RHEX: variants seen among roughly 807,000 people sequenced by gnomAD.
The protein encoded by RHEX is regulator of hemoglobinization and erythroid cell expansion protein.
A neutral mutation model predicts 20.1 loss-of-function variants in RHEX; 18 were observed. That is an observed-to-expected ratio of 0.90 (90% CI 0.62 to 1.33). The LOEUF is 1.33. Among genes scored for constraint, RHEX ranks in the 40% most tolerant of loss-of-function variants. The pLI, the probability that RHEX is intolerant of heterozygous loss-of-function variation, is 0.00. For missense variants in RHEX, 192 were observed against 214.3 expected (o/e 0.90, Z 0.65); for synonymous variants, 87 against 77.1 (o/e 1.13, Z -0.67).
At chr1:206,066,979 G>A (rs368305496) in intron 1 of RHEX, among the ~76,000 whole-genome samples, 1 of 152,172 alleles carries the variant, frequency 6.6e-6, no homozygotes, top group African/African-American at 2.4e-5. Context: ...AGGACAGGAC[G>A]GAATTCTTTG....
chr1:206,079,432 A>T (rs1367918990), intron 1 of RHEX, among the ~76,000 whole-genome samples: 2 of 152,196 alleles, frequency 1.3e-5, no homozygotes, highest in Non-Finnish European at 2.9e-5. Context: ...TCTAAAATAA[A>T]CCAAAAAAAT....
intron 1 of RHEX, among the ~76,000 whole-genome samples, chr1:206,066,741 A>G (rs182578024): frequency 2.0e-5 from 3 of 152,346 alleles, no homozygotes; most frequent in Admixed American, 6.5e-5. Flanking sequence ...CTGTACATAC[A>G]TATTCAGTAG....
chr1:206,093,035 T>A (rs1553287226), intron 1 of RHEX, among the ~76,000 whole-genome samples: 1 of 152,170 alleles, frequency 6.6e-6, no homozygotes, highest in African/African-American at 2.4e-5. Flanking sequence ...CATCTCCCTG[T>A]CCAAAGTCAC....
chr1:206,054,228 ATGTT>A (rs201784051), intron 1 of RHEX, among the ~76,000 whole-genome samples: 4,497 of 152,192 alleles, frequency 0.03, 225 homozygotes, highest in African/African-American at 0.1. Context: ...AAGAAAAAAA[ATGTT>A]TGTAATAAGT....
rs80312667 is a variant in RHEX, at chr1:206,097,972, G to C, written c.12-109G>C. The C allele has an allele frequency of 3.3e-3, 3,848 of 1,172,142 alleles. 101 individuals carry two copies. In the African/African-American group the frequency reaches 0.053, roughly 16 times the overall value. The allele number at this position is 1,172,142 out of a possible 1,614,324, so 72.6% of individuals were successfully genotyped here. A position where few individuals can be genotyped will look rare whatever the true frequency, so the allele number is the denominator to read the frequency against. On this transcript the variant is annotated intron_variant, in intron 2 of 5. Coordinates refer to ENST00000331555, the MANE Select transcript of RHEX (RefSeq NM_001007544.4). Reference sequence around the variant, plus strand: ...CAGAGAGGCAAAGGGACCTACCCTGGGACACGCAGCAATGCCAGATGTCTG... The same window carrying C: ...CAGAGAGGCAAAGGGACCTACCCTGCGACACGCAGCAATGCCAGATGTCTG...
At chr1:206,084,973 C>T (rs28735054) in intron 1 of RHEX, among the ~76,000 whole-genome samples, 17,325 of 152,052 alleles carry the variant, frequency 0.11, 1,151 homozygotes, top group South Asian at 0.19. Flanking sequence ...CCCCAACCCC[C>T]GGGTTGGAGA....
chr1:206,098,228 A>G (rs782218981), intron 3 of RHEX, 47 bp downstream of exon 3: 3 of 1,360,886 alleles, frequency 2.2e-6, no homozygotes, highest in Non-Finnish European at 3.2e-6. Flanking sequence ...CTCAGAGACC[A>G]TTCTCGAGCC....
At chr1:206,088,034 T>G (rs1662872375) in intron 1 of RHEX, among the ~76,000 whole-genome samples, 1 of 152,170 alleles carries the variant, frequency 6.6e-6, no homozygotes, top group Non-Finnish European at 1.5e-5. Flanking sequence ...CTGAGGAAGA[T>G]CACTTGAGCC....
chr1:206,055,450 C>T (rs1041624372), intron 1 of RHEX, among the ~76,000 whole-genome samples: 8 of 152,208 alleles, frequency 5.3e-5, no homozygotes, highest in Admixed American at 6.5e-5. Context: ...ATCCCTTTCA[C>T]CCTGGCATTT....
chr1:206,061,936 G>A (rs1328344816), intron 1 of RHEX: 2 of 152,180 alleles, frequency 1.3e-5, no homozygotes, highest in East Asian at 3.8e-4. Flanking sequence ...ACATAGGCCA[G>A]GCACGGTGGC....
At chr1:206,070,393 G>C (rs1384638460) in intron 1 of RHEX, among the ~76,000 whole-genome samples, 1 of 152,164 alleles carries the variant, frequency 6.6e-6, no homozygotes, top group Non-Finnish European at 1.5e-5. Flanking sequence ...CAGAAGCACT[G>C]CTAGACGTTT....
At chr1:206,063,463 T>C (rs1211050178) in intron 1 of RHEX, among the ~76,000 whole-genome samples, 2 of 152,236 alleles carry the variant, frequency 1.3e-5, no homozygotes, top group Non-Finnish European at 2.9e-5. Flanking sequence ...ACTATACTGC[T>C]GCCATCTCGG....
At chr1:206,091,706 C>A (rs540726763) in intron 1 of RHEX, among the ~76,000 whole-genome samples, 1 of 152,306 alleles carries the variant, frequency 6.6e-6, no homozygotes, top group East Asian at 1.9e-4. Context: ...GCCTTAGTTT[C>A]CTCATCTATG....
intron 1 of RHEX, among the ~76,000 whole-genome samples, chr1:206,075,726 G>A (rs889794761): frequency 2.0e-5 from 3 of 151,416 alleles, no homozygotes; most frequent in Non-Finnish European, 4.4e-5. Context: ...TCAGCCTCCC[G>A]GTAGCTGGGA....
chr1:206,055,800 A>C (rs1412677071), intron 1 of RHEX, among the ~76,000 whole-genome samples: 5 of 152,286 alleles, frequency 3.3e-5, no homozygotes, highest in Admixed American at 3.3e-4. Context: ...AAAGAGAAAA[A>C]GTGGCAGTTG....
chr1:206,096,087 C>T (rs906147744), intron 1 of RHEX, among the ~76,000 whole-genome samples: 2 of 152,182 alleles, frequency 1.3e-5, no homozygotes, highest in Non-Finnish European at 2.9e-5. Context: ...GCATCGGCCT[C>T]CCAAAGCGCT....
At chr1:206,077,828 C>G (rs28782261) in intron 1 of RHEX, among the ~76,000 whole-genome samples, 12 of 152,014 alleles carry the variant, frequency 7.9e-5, no homozygotes, top group Non-Finnish European at 1.3e-4. Flanking sequence ...GTTTTCTCAC[C>G]GTATTAAGGG....
At chr1:206,064,944 C>CT (rs1662395440) in intron 1 of RHEX, among the ~76,000 whole-genome samples, 2 of 152,162 alleles carry the variant, frequency 1.3e-5, no homozygotes, top group Non-Finnish European at 2.9e-5. Context: ...AGAAGTTCTT[C>CT]TGCCTTGGGA....
At chr1:206,074,985 G>A (rs1424431006) in intron 1 of RHEX, among the ~76,000 whole-genome samples, 3 of 152,210 alleles carry the variant, frequency 2.0e-5, no homozygotes, top group Non-Finnish European at 4.4e-5. Flanking sequence ...CCCCACAGGG[G>A]GCCAAAACTG....
Sources: allele counts gnomAD v4.1 joint callset (sites outside exome capture counted in the v4.1 genomes callset), GRCh38; gene constraint gnomAD v4.1.1; transcripts MANE v1.5; gene names NCBI Gene and HGNC (gene_info 2026-07-23, HGNC 2026-07-21).